Variants in PMM1 observed in about 807,000 individuals in gnomAD.
The protein encoded by PMM1 is phosphomannomutase 1.
In PMM1, 25 loss-of-function variants were observed where a neutral mutation model predicts 34.0. The observed-to-expected ratio is 0.73, with a 90% confidence interval of 0.54 to 1.03. PMM1 has a LOEUF of 1.03. Ranked by LOEUF, PMM1 falls within the 50% of genes least tolerant of loss-of-function variation. The pLI, the probability that PMM1 is intolerant of heterozygous loss-of-function variation, is 0.00. For missense variants in PMM1, 321 were observed against 350.1 expected, an observed-to-expected ratio of 0.92 and a Z score of 0.66; for synonymous variants, 134 against 143.9, an observed-to-expected ratio of 0.93 and a Z score of 0.49.
chr22:41,582,978 T>C (rs1462315277), intron 5 of PMM1, among the ~76,000 whole-genome samples: 2 of 150,454 alleles, frequency 1.3e-5, no homozygotes, highest in East Asian at 3.9e-4. Flanking sequence ...CAGGCAGAGG[T>C]GAGAGGACCT....
In PMM1 at chr22:41,586,131, C is replaced by T. The variant is rs2067305072; in HGVS notation, c.150G>A (p.Val50=). The change falls in exon 2 of 8, where the codon GTG becomes GTA. Residue 50 remains valine (V), a synonymous_variant. Coordinates refer to ENST00000216259, the MANE Select transcript of PMM1 (RefSeq NM_002676.3). ...QKLRSRVQIG[V]VGGSDYCKIA... is the part of the protein sequence containing the mutation. ...TCTTACAGTAGTCAGAGCCGCCCAC[C>T]ACACCGATCTGCACTCTACTTCGTA... The T allele has an allele frequency of 1.2e-6, 2 of 1,612,808 alleles. No homozygotes were observed. Among genetic ancestry groups the T allele is most frequent in the Admixed American group, 3.3e-5 (2 of 59,886 alleles).
chr22:41,588,808 G>A, intron 1 of PMM1: 1 of 985,464 alleles, frequency 1.0e-6, no homozygotes, highest in Non-Finnish European at 1.2e-6. Flanking sequence ...ATCAGCCACT[G>A]CCCAGTAAAG....
In PMM1 at chr22:41,589,716, T is replaced by G; in HGVS notation, c.87+3A>C. 1.2e-6 allele frequency: 2 copies of G among 1,609,760 alleles called. No homozygotes were observed. The highest frequency in any genetic ancestry group is 1.7e-6 in the Non-Finnish European group (2 of 1,178,560). On this transcript the variant is annotated splice_donor_region_variant and intron_variant, in intron 1 of 7. Transcript: ENST00000216259. ...TGGGAGCTTCCAATCTTCAGGGTCC[T>G]ACCTGGCGAGCCGGCGTGAGGGTCC...
intron 5 of PMM1, among the ~76,000 whole-genome samples, chr22:41,583,429 C>G (rs574690565): frequency 3.3e-5 from 5 of 152,094 alleles, no homozygotes; most frequent in Non-Finnish European, 7.4e-5. Flanking sequence ...TTGCAGTGAG[C>G]TGAGATCATG....
intron 5 of PMM1, chr22:41,579,236 A>C (rs1602008300): frequency 4.0e-6 from 1 of 247,624 alleles, no homozygotes; most frequent in East Asian, 8.7e-5. Context: ...GTTATCTGTA[A>C]CCAGCTCAAC....
At chr22:41,584,823 A>T (rs1219232483) in intron 2 of PMM1, 3 of 516,972 alleles carry the variant, frequency 5.8e-6, no homozygotes, top group Non-Finnish European at 1.0e-5. Flanking sequence ...GCACACAGGC[A>T]TCCATGCAGG....
At chr22:41,579,189 C>T (rs1468851185) in intron 5 of PMM1, 1 of 369,082 alleles carries the variant, frequency 2.7e-6, no homozygotes, top group Non-Finnish European at 5.2e-6. Context: ...AATCTGGATC[C>T]CACATCAGTG....
chr22:41,584,057 C>T lies in PMM1; in HGVS notation c.376G>A (p.Gly126Arg). Residue 126 changes from glycine to arginine, a missense_variant and splice_region_variant, in exon 5 of 8, where the codon GGA becomes AGA. By Grantham distance (125) the Gly-to-Arg change is moderately radical. Coordinates refer to ENST00000216259, the MANE Select transcript of PMM1 (RefSeq NM_002676.3). ...CCATTCCGGAACTCGATGAAGGTTC[C>T]ACTGGTGGTGAGGGAGGGCGGGGAG... is the stretch of plus-strand genomic sequence containing the variant. ...MALLRLPKKRGTFIEFRNGML... is the reference protein window; with the variant it reads ...MALLRLPKKRRTFIEFRNGML... 1 of 1,611,630 alleles carries T rather than the reference C, an allele frequency of 6.2e-7. No individual in the cohort carries two copies. Among genetic ancestry groups the T allele is most frequent in the Non-Finnish European group, 8.5e-7 (1 of 1,177,808 alleles).
chr22:41,579,938 A>C (rs1261237789), intron 5 of PMM1: 2 of 152,224 alleles, frequency 1.3e-5, no homozygotes, highest in Non-Finnish European at 2.9e-5. Flanking sequence ...CCTCTCATGG[A>C]AAAGCAGAGA....
intron 6 of PMM1, among the ~76,000 whole-genome samples, chr22:41,578,564 G>T (rs1276991234): frequency 6.6e-6 from 1 of 152,124 alleles, no homozygotes; most frequent in Non-Finnish European, 1.5e-5. Context: ...AGAGGCTCTG[G>T]TTTTTTGGCC....
At chr22:41,585,993 C>A in intron 2 of PMM1, 83 bp downstream of exon 2, 1 of 1,018,238 alleles carries the variant, frequency 9.8e-7, no homozygotes, top group Non-Finnish European at 1.5e-6. Flanking sequence ...TTCTTCTGCC[C>A]CACAGAAGCA....
rs771642598 is a variant in PMM1 at position 41,589,774 on chromosome 22, T to C, written c.32A>G (p.Lys11Arg). Reference protein sequence around the residue: MAVTAQAARRKERVLCLFDVD... With the variant: MAVTAQAARRRERVLCLFDVD... Reference sequence around the variant, plus strand: ...GTCAAACAGGCAGAGGACGCGCTCCTTCCTGCGGGCTGCCTGGGCGGTGAC... The same window carrying C: ...GTCAAACAGGCAGAGGACGCGCTCCCTCCTGCGGGCTGCCTGGGCGGTGAC... The change falls in exon 1 of 8, where the codon AAG becomes AGG. Residue 11 changes from lysine to arginine, a missense_variant. Coordinates refer to ENST00000216259, the MANE Select transcript of PMM1 (RefSeq NM_002676.3). The C allele has an allele frequency of 8.7e-6, 14 of 1,610,638 alleles. No individual in the cohort carries two copies. The highest frequency in any genetic ancestry group is 4.0e-5 in the African/African-American group (3 of 75,034).
At chr22:41,581,897 A>T (rs1040878470) in intron 5 of PMM1, among the ~76,000 whole-genome samples, 25 of 152,052 alleles carry the variant, frequency 1.6e-4, no homozygotes, top group African/African-American at 6.0e-4. Flanking sequence ...AGGCAGAAGA[A>T]TCGCTTGAAC....
In PMM1 at chr22:41,588,757, G is replaced by A. The variant is rs1251209273; in HGVS notation, c.87+962C>T. 2.0e-5 allele frequency: 20 copies of A among 984,490 alleles called. No individual in the cohort carries two copies. In the Admixed American group the frequency reaches 2.5e-4, roughly 12 times the overall value. The allele number at this position is 984,490 out of a possible 1,614,324, so 61.0% of individuals were successfully genotyped here. A position where few individuals can be genotyped will look rare whatever the true frequency, so the allele number is the denominator to read the frequency against. On this transcript the variant is annotated intron_variant, in intron 1 of 7. Transcript: ENST00000216259. ...ACTTCACCACAGAGGATGGGGAGGG[G>A]CATTCGGGACCTAAGAGAGGAGGCT...
At chr22:41,583,817 A>C (rs2067273754) in intron 5 of PMM1, 142 bp downstream of exon 5, 2 of 654,784 alleles carry the variant, frequency 3.1e-6, no homozygotes, top group East Asian at 5.4e-5. Flanking sequence ...TGTCTACAAC[A>C]ATGGCACACA....
intron 5 of PMM1, among the ~76,000 whole-genome samples, chr22:41,582,676 C>CT (rs2067259940): frequency 6.6e-6 from 1 of 151,916 alleles, no homozygotes; most frequent in Admixed American, 6.6e-5. Flanking sequence ...ATGTGATACT[C>CT]TCGGAGGCCC....
At chr22:41,588,420 G>C (rs12159399) in intron 1 of PMM1, among the ~76,000 whole-genome samples, 1 of 152,174 alleles carries the variant, frequency 6.6e-6, no homozygotes, top group Admixed American at 6.6e-5. Context: ...AGGGTTTCAC[G>C]ATATTGGTCA....
In PMM1 at chr22:41,583,930, C is replaced by T. The variant is rs1374568145; in HGVS notation, c.474+29G>A. ...GATAAATTGAGTGACTGAGGCCCTA[C>T]AGGCCTAAGATTGCATAGCTAGTGG... On this transcript the variant is annotated intron_variant, in intron 5 of 7. Transcript: ENST00000216259. The T allele has an allele frequency of 4.5e-6, 6 of 1,340,776 alleles. No individual in the cohort carries two copies. In the South Asian group the frequency reaches 7.0e-5, roughly 16 times the overall value. The allele number at this position is 1,340,776 out of a possible 1,614,324, so 83.1% of individuals were successfully genotyped here.
At chr22:41,578,725 C>T in intron 6 of PMM1, 81 bp downstream of exon 6, 3 of 1,221,990 alleles carry the variant, frequency 2.5e-6, no homozygotes, top group Non-Finnish European at 3.6e-6. Context: ...CTGGGGGCCA[C>T]AGCCTGGTCT....
Sources: allele counts gnomAD v4.1 joint callset (sites outside exome capture counted in the v4.1 genomes callset), GRCh38; gene constraint gnomAD v4.1.1; transcripts MANE v1.5; gene names NCBI Gene and HGNC (gene_info 2026-07-23, HGNC 2026-07-21).